NKAIN3: variants seen among roughly 807,000 people sequenced by gnomAD.
NKAIN3 encodes sodium/potassium-transporting ATPase subunit beta-1-interacting protein 3.
In NKAIN3, 25 loss-of-function variants were observed where a neutral mutation model predicts 30.2. That is an observed-to-expected ratio of 0.83 (90% CI 0.60 to 1.16). The LOEUF is 1.16. NKAIN3 is among the 50% of genes most tolerant of loss of function. The pLI, the probability that NKAIN3 is intolerant of heterozygous loss-of-function variation, is 0.00. For synonymous variants in NKAIN3, 91 were observed against 89.6 expected (o/e 1.02, Z -0.09); for missense variants, 225 against 254.1 (o/e 0.89, Z 0.78).
At chr8:62,614,353 CAG>C (rs755346699) in intron 3 of NKAIN3, among the ~76,000 whole-genome samples, 1 of 151,592 alleles carries the variant, frequency 6.6e-6, no homozygotes, top group Non-Finnish European at 1.5e-5. Context: ...CCAAAACATA[CAG>C]AGTCTCTCTC....
At chr8:62,500,104 C>T (rs769521084) in intron 1 of NKAIN3, among the ~76,000 whole-genome samples, 8 of 152,088 alleles carry the variant, frequency 5.3e-5, no homozygotes, top group Admixed American at 1.3e-4. Context: ...GGGTCCTATT[C>T]GCAGAATGCC....
intron 1 of NKAIN3, among the ~76,000 whole-genome samples, chr8:62,445,592 G>C (rs1299026050): frequency 2.0e-5 from 3 of 152,130 alleles, no homozygotes; most frequent in Non-Finnish European, 4.4e-5. Flanking sequence ...TGAAATACAA[G>C]TTGGGGAGGC....
At chr8:62,362,212 G>A (rs1176846165) in intron 1 of NKAIN3, among the ~76,000 whole-genome samples, 3 of 152,202 alleles carry the variant, frequency 2.0e-5, no homozygotes, top group Non-Finnish European at 2.9e-5. Context: ...TTATTCTCAA[G>A]TAACAGTAAA....
chr8:62,575,980 G>A (rs1306961610), intron 1 of NKAIN3, among the ~76,000 whole-genome samples: 4 of 152,040 alleles, frequency 2.6e-5, no homozygotes, highest in Non-Finnish European at 4.4e-5. Flanking sequence ...ATAGATTTAA[G>A]GCCTAAATCT....
At chr8:62,285,751 G>A (rs1332583503) in intron 1 of NKAIN3, among the ~76,000 whole-genome samples, 2 of 152,090 alleles carry the variant, frequency 1.3e-5, no homozygotes, top group African/African-American at 4.8e-5. Context: ...GCAGATTAGG[G>A]TGACCCAGTC....
intron 1 of NKAIN3, among the ~76,000 whole-genome samples, chr8:62,319,961 T>G (rs886663622): frequency 4.5e-4 from 69 of 151,970 alleles, no homozygotes; most frequent in East Asian, 5.8e-4. Flanking sequence ...TATTGTGTGG[T>G]AGTCTAAGTC....
chr8:62,549,067 A>G (rs1023205854), intron 1 of NKAIN3, among the ~76,000 whole-genome samples: 1 of 152,200 alleles, frequency 6.6e-6, no homozygotes, highest in Non-Finnish European at 1.5e-5. Context: ...TTTTGAAAAC[A>G]TTTAATTAAC....
intron 3 of NKAIN3, among the ~76,000 whole-genome samples, chr8:62,743,430 A>G (rs919913673): frequency 2.6e-5 from 4 of 152,256 alleles, no homozygotes; most frequent in African/African-American, 9.6e-5. Flanking sequence ...CACTCCTAAA[A>G]CAAAAGAGAG....
intron 1 of NKAIN3, among the ~76,000 whole-genome samples, chr8:62,412,358 G>C (rs967475128): frequency 6.6e-6 from 1 of 151,554 alleles, no homozygotes; most frequent in East Asian, 1.9e-4. Context: ...TTCAATAAGT[G>C]GTGCTAAGAT....
At chr8:62,905,125 TA>T (rs1342203458) in intron 4 of NKAIN3, among the ~76,000 whole-genome samples, 1 of 152,028 alleles carries the variant, frequency 6.6e-6, no homozygotes, top group African/African-American at 2.4e-5. Flanking sequence ...ATGGATCAAC[TA>T]AAAAAATCAA....
chr8:62,819,507 T>C (rs1479912608), intron 4 of NKAIN3, among the ~76,000 whole-genome samples: 2 of 152,108 alleles, frequency 1.3e-5, no homozygotes, highest in Non-Finnish European at 2.9e-5. Flanking sequence ...ATCTTCATTT[T>C]AATTTATTCT....
intron 4 of NKAIN3, among the ~76,000 whole-genome samples, chr8:62,774,412 G>T (rs1476539215): frequency 6.6e-6 from 1 of 152,096 alleles, no homozygotes; most frequent in Non-Finnish European, 1.5e-5. Context: ...TCTCTTGTCT[G>T]ATTGCTCTAG....
At chr8:62,791,120 A>C (rs1382258350) in intron 4 of NKAIN3, among the ~76,000 whole-genome samples, 1 of 152,124 alleles carries the variant, frequency 6.6e-6, no homozygotes, top group Non-Finnish European at 1.5e-5. Flanking sequence ...CCCACTGGTC[A>C]AAGTAAGTCA....
chr8:62,633,166 AC>A (rs1350224838), intron 3 of NKAIN3, among the ~76,000 whole-genome samples: 10 of 152,202 alleles, frequency 6.6e-5, no homozygotes, highest in African/African-American at 2.4e-4. Flanking sequence ...CTCAGTTTCT[AC>A]ATCTGTAAAA....
chr8:62,509,374 T>A (rs1807746682), intron 1 of NKAIN3, among the ~76,000 whole-genome samples: 1 of 152,156 alleles, frequency 6.6e-6, no homozygotes, highest in Non-Finnish European at 1.5e-5. Context: ...TCCGGCAAGA[T>A]ATGCAGCCCT....
intron 5 of NKAIN3, among the ~76,000 whole-genome samples, chr8:62,948,796 TTTGCCCAG>T (rs1157774634): frequency 6.6e-6 from 1 of 152,192 alleles, no homozygotes; most frequent in African/African-American, 2.4e-5. Flanking sequence ...CTTGCTTCAA[TTTGCCCAG>T]TTCCAACCTC....
intron 4 of NKAIN3, among the ~76,000 whole-genome samples, chr8:62,803,682 C>A (rs1027801097): frequency 6.6e-6 from 1 of 152,018 alleles, no homozygotes; most frequent in Non-Finnish European, 1.5e-5. Flanking sequence ...AAAATTGACA[C>A]CCTAACATCA....
At chr8:62,448,612 A>T (rs1322960939) in intron 1 of NKAIN3, among the ~76,000 whole-genome samples, 1 of 151,820 alleles carries the variant, frequency 6.6e-6, no homozygotes, top group Non-Finnish European at 1.5e-5. Context: ...TTCTGTTAAC[A>T]TCAGATATTC....
intron 1 of NKAIN3, among the ~76,000 whole-genome samples, chr8:62,399,272 G>A (rs758449272): frequency 1.4e-4 from 22 of 152,144 alleles, no homozygotes; most frequent in Non-Finnish European, 2.2e-4. Flanking sequence ...TCGGGAGGCC[G>A]AGGCGGGTAG....
Sources: allele counts gnomAD v4.1 joint callset (sites outside exome capture counted in the v4.1 genomes callset), GRCh38; gene constraint gnomAD v4.1.1; transcripts MANE v1.5; gene names NCBI Gene and HGNC (gene_info 2026-07-23, HGNC 2026-07-21).